SPOCK1: variants seen among roughly 807,000 people sequenced by gnomAD.
SPOCK1 encodes the protein testican-1.
In SPOCK1, 23 loss-of-function variants were observed where a neutral mutation model predicts 55.3. The observed-to-expected ratio is 0.42, with a 90% CI of 0.30 to 0.59. The LOEUF is 0.59. Among genes scored for constraint, SPOCK1 ranks in the 20% least tolerant of loss-of-function variants. SPOCK1 has a pLI of 0.22. For missense variants in SPOCK1, 499 were observed against 552.5 expected, an observed-to-expected ratio of 0.90 and a Z score of 0.97; for synonymous variants, 226 against 221.0, an observed-to-expected ratio of 1.02 and a Z score of -0.20.
chr5:137,119,147 C>A (rs1483792145), intron 4 of SPOCK1, among the ~76,000 whole-genome samples: 3 of 152,184 alleles, frequency 2.0e-5, no homozygotes, highest in African/African-American at 7.2e-5. Flanking sequence ...GATGAAGAAT[C>A]CACCAGAGAA....
intron 6 of SPOCK1, among the ~76,000 whole-genome samples, chr5:137,012,887 G>A (rs554180448): frequency 5.9e-5 from 9 of 152,280 alleles, no homozygotes; most frequent in Non-Finnish European, 1.2e-4. Flanking sequence ...TCACAAATAC[G>A]TTGGAAAACT....
intron 4 of SPOCK1, among the ~76,000 whole-genome samples, chr5:137,113,872 T>C (rs928822935): frequency 6.6e-6 from 1 of 152,136 alleles, no homozygotes; most frequent in Non-Finnish European, 1.5e-5. Context: ...CTACCAGGTG[T>C]GGAATGAATC....
chr5:137,282,682 A>G (rs1003882315), intron 2 of SPOCK1, among the ~76,000 whole-genome samples: 1 of 152,210 alleles, frequency 6.6e-6, no homozygotes, highest in Non-Finnish European at 1.5e-5. Flanking sequence ...ACTCTCCAAC[A>G]TCATTTGGGC....
At chr5:137,318,787 G>C (rs1757929739) in intron 2 of SPOCK1, among the ~76,000 whole-genome samples, 1 of 152,156 alleles carries the variant, frequency 6.6e-6, no homozygotes, top group Non-Finnish European at 1.5e-5. Context: ...GCACAGAGCA[G>C]GCCCTCCTTA....
intron 3 of SPOCK1, among the ~76,000 whole-genome samples, chr5:137,230,104 C>A (rs1756020843): frequency 6.6e-6 from 1 of 152,192 alleles, no homozygotes; most frequent in Non-Finnish European, 1.5e-5. Context: ...CTAAGCTTGC[C>A]CCATCTTTCT....
chr5:137,180,842 T>C (rs1021140684), intron 3 of SPOCK1, among the ~76,000 whole-genome samples: 1 of 152,114 alleles, frequency 6.6e-6, no homozygotes, highest in Non-Finnish European at 1.5e-5. Flanking sequence ...AGAAAGGCCA[T>C]GAAGGAGCTG....
chr5:137,073,279 A>G (rs1752651691), intron 5 of SPOCK1, among the ~76,000 whole-genome samples: 1 of 152,190 alleles, frequency 6.6e-6, no homozygotes, highest in African/African-American at 2.4e-5. Context: ...AGCAAGAGAG[A>G]GAAAGAGACA....
At chr5:137,297,672 A>C (rs976761591) in intron 2 of SPOCK1, among the ~76,000 whole-genome samples, 32 of 152,240 alleles carry the variant, frequency 2.1e-4, no homozygotes, top group African/African-American at 6.5e-4. Flanking sequence ...GGGAGGTGGG[A>C]CAAAGGCAGG....
chr5:137,195,128 A>G (rs1300807465), intron 3 of SPOCK1, among the ~76,000 whole-genome samples: 2 of 152,210 alleles, frequency 1.3e-5, no homozygotes, highest in Non-Finnish European at 2.9e-5. Context: ...CACTCTAACA[A>G]TGTAAAATGA....
At chr5:137,328,891 G>C (rs1758123228) in intron 2 of SPOCK1, among the ~76,000 whole-genome samples, 1 of 152,154 alleles carries the variant, frequency 6.6e-6, no homozygotes, top group African/African-American at 2.4e-5. Context: ...TTGGGAATTG[G>C]AAATGGTATA....
intron 6 of SPOCK1, among the ~76,000 whole-genome samples, chr5:136,993,813 T>C (rs574863244): frequency 4.8e-4 from 73 of 151,342 alleles, no homozygotes; most frequent in Middle Eastern, 6.8e-3. Context: ...GAAAAAGGAG[T>C]AGACACAGCC....
At chr5:137,058,389 T>C (rs139167215) in intron 6 of SPOCK1, among the ~76,000 whole-genome samples, 3 of 152,376 alleles carry the variant, frequency 2.0e-5, no homozygotes, top group Non-Finnish European at 4.4e-5. Context: ...ATTAAACATA[T>C]GTATAAAGTG....
At chr5:136,991,291 C>T (rs1357696847) in intron 7 of SPOCK1, among the ~76,000 whole-genome samples, 1 of 151,842 alleles carries the variant, frequency 6.6e-6, no homozygotes, top group African/African-American at 2.4e-5. Context: ...GACCCAACCA[C>T]CAAGAACCCC....
chr5:137,021,264 G>A (rs943887746), intron 6 of SPOCK1, among the ~76,000 whole-genome samples: 7 of 152,178 alleles, frequency 4.6e-5, no homozygotes, highest in African/African-American at 1.7e-4. Context: ...GCAGCATTGA[G>A]TGAAGAATAC....
At chr5:137,020,448 C>T (rs1329118845) in intron 6 of SPOCK1, among the ~76,000 whole-genome samples, 1 of 151,366 alleles carries the variant, frequency 6.6e-6, no homozygotes, top group East Asian at 1.9e-4. Flanking sequence ...AATGTATGCA[C>T]TTAATAATAT....
intron 2 of SPOCK1, among the ~76,000 whole-genome samples, chr5:137,404,575 A>ATTTTT (rs67609274): frequency 7.3e-6 from 1 of 137,808 alleles, no homozygotes; most frequent in African/African-American, 2.7e-5. Context: ...CACCCAGCTA[A>ATTTTT]TTTTTTTTTT....
chr5:136,984,420 C>CTTTTTT (rs535430073), intron 9 of SPOCK1, among the ~76,000 whole-genome samples: 1 of 133,742 alleles, frequency 7.5e-6, no homozygotes, highest in African/African-American at 2.7e-5. Context: ...GCTGACACCT[C>CTTTTTT]TTTTTTTAAA....
chr5:137,245,139 C>T (rs2127102508), intron 3 of SPOCK1, among the ~76,000 whole-genome samples: 1 of 152,284 alleles, frequency 6.6e-6, no homozygotes, highest in South Asian at 2.1e-4. Flanking sequence ...GTGAACATGA[C>T]CACGTGTCCC....
At chr5:137,107,302 C>A (rs953267551) in intron 5 of SPOCK1, among the ~76,000 whole-genome samples, 5 of 152,076 alleles carry the variant, frequency 3.3e-5, no homozygotes, top group Middle Eastern at 3.2e-3. Context: ...TTTCTGAATT[C>A]AATAAAGTCA....
Sources: allele counts gnomAD v4.1 joint callset (sites outside exome capture counted in the v4.1 genomes callset), GRCh38; gene constraint gnomAD v4.1.1; transcripts MANE v1.5; gene names NCBI Gene and HGNC (gene_info 2026-07-23, HGNC 2026-07-21).